Variants in LIPA observed in about 807,000 individuals in gnomAD.
LIPA encodes lipase A, lysosomal acid type.
Under a neutral mutation model 40.6 loss-of-function variants are expected in LIPA, and 26 were observed. That is an observed-to-expected ratio of 0.64 (90% CI 0.47 to 0.89). The LOEUF (loss-of-function observed/expected upper bound fraction) is 0.89. LIPA is among the 40% of genes least tolerant of loss of function. LIPA has a pLI of 0.00. For synonymous variants in LIPA, 188 were observed against 168.4 expected (o/e 1.12, Z -0.90); for missense variants, 455 against 479.6 (o/e 0.95, Z 0.48).
intron 2 of LIPA, chr10:89,383,901 G>A (rs866753126): frequency 6.2e-7 from 1 of 1,614,208 alleles, no homozygotes; most frequent in Non-Finnish European, 8.5e-7. Context: ...CAGCATCAGG[G>A]AGGAATAAGG....
intron 3 of LIPA, among the ~76,000 whole-genome samples, chr10:89,235,806 T>C (rs940058933): frequency 5.9e-5 from 9 of 152,266 alleles, no homozygotes; most frequent in African/African-American, 1.9e-4. Context: ...TAGGATTTGC[T>C]CAACTCTCTC....
chr10:89,394,126 G>A (rs1269845371), intron 2 of LIPA, among the ~76,000 whole-genome samples: 1 of 151,682 alleles, frequency 6.6e-6, no homozygotes, highest in African/African-American at 2.4e-5. Context: ...AACCTAGACG[G>A]TATAGCCTAC....
At chr10:89,402,585 A>G in intron 2 of LIPA, 1 of 1,614,224 alleles carries the variant, frequency 6.2e-7, no homozygotes. Flanking sequence ...CTTTGCCTGG[A>G]TGTATTACCA....
chr10:89,285,111 G>A (rs1047207306), intron 1 of LIPA: 5 of 157,226 alleles, frequency 3.2e-5, no homozygotes, highest in African/African-American at 4.8e-5. Flanking sequence ...ACATGGACGC[G>A]AGTGACATTT....
At chr10:89,268,087 C>G (rs1843247044) in intron 1 of LIPA, among the ~76,000 whole-genome samples, 3 of 152,196 alleles carry the variant, frequency 2.0e-5, no homozygotes, top group Admixed American at 6.5e-5. Context: ...TGCCCCAATA[C>G]TCAATACTAC....
intron 1 of LIPA, among the ~76,000 whole-genome samples, chr10:89,290,820 C>T (rs994931358): frequency 6.6e-6 from 1 of 152,214 alleles, no homozygotes; most frequent in Admixed American, 6.5e-5. Flanking sequence ...ACTCAGCCTG[C>T]CTGCACCCAG....
At chr10:89,399,462 T>G (rs1404377068) in intron 2 of LIPA, among the ~76,000 whole-genome samples, 1 of 152,224 alleles carries the variant, frequency 6.6e-6, no homozygotes, top group Non-Finnish European at 1.5e-5. Context: ...CCAAATCCAA[T>G]GTTACAAAGC....
chr10:89,401,374 G>A (rs1362441128), intron 2 of LIPA, among the ~76,000 whole-genome samples: 2 of 152,054 alleles, frequency 1.3e-5, no homozygotes, highest in Non-Finnish European at 2.9e-5. Flanking sequence ...ACCTGCCTCG[G>A]CCTCCCAAAG....
intron 1 of LIPA, among the ~76,000 whole-genome samples, chr10:89,259,955 A>T (rs1843198657): frequency 6.6e-6 from 1 of 152,210 alleles, no homozygotes; most frequent in Non-Finnish European, 1.5e-5. Context: ...TATATTTGTT[A>T]TCTTCACTGT....
upstream of LIPA, among the ~76,000 whole-genome samples, chr10:89,346,892 G>A (rs887947590): frequency 5.3e-5 from 8 of 152,214 alleles, no homozygotes; most frequent in East Asian, 1.9e-4. Context: ...AGGAAATTGC[G>A]TAGGTTGGAG....
intron 3 of LIPA, among the ~76,000 whole-genome samples, chr10:89,243,111 G>T (rs1393478884): frequency 6.6e-6 from 1 of 152,286 alleles, no homozygotes; most frequent in East Asian, 1.9e-4. Context: ...AAGAGGACGC[G>T]TTTCACTTTG....
chr10:89,215,846 G>T, intron 9 of LIPA, 92 bp downstream of exon 9: 1 of 836,808 alleles, frequency 1.2e-6, no homozygotes, highest in Non-Finnish European at 2.1e-6. Context: ...ATTTCCCACA[G>T]CACCTGAGCC....
intron 1 of LIPA, among the ~76,000 whole-genome samples, chr10:89,312,265 A>G (rs1843520681): frequency 6.6e-6 from 1 of 151,900 alleles, no homozygotes; most frequent in Non-Finnish European, 1.5e-5. Flanking sequence ...GCATGGTGAA[A>G]CCCTATCTCT....
chr10:89,214,819 G>A lies in LIPA; in HGVS notation c.*9C>T, dbSNP rs1472873487. The A allele has an allele frequency of 4.0e-6, 6 of 1,488,962 alleles. No homozygotes were observed. The highest frequency in any genetic ancestry group is 5.6e-6 in the Non-Finnish European group (6 of 1,066,600). 92.2% of individuals were successfully genotyped at this position (1,488,962 alleles called of 1,614,324 possible). ...ATTGACTTGGTGGTACACAGCTCAA[G>A]TCCAGCTTTCACTGATATTTCCTCA... On this transcript the variant is annotated 3_prime_UTR_variant, in exon 10 of 10. Coordinates refer to ENST00000336233, the MANE Select transcript of LIPA (RefSeq NM_000235.4).
intron 1 of LIPA, among the ~76,000 whole-genome samples, chr10:89,413,154 T>C (rs1841489788): frequency 6.6e-6 from 1 of 152,246 alleles, no homozygotes; most frequent in African/African-American, 2.4e-5. Flanking sequence ...TCACTGGAAA[T>C]ACTTGCTCTG....
chr10:89,281,475 CT>C (rs1215629181), intron 1 of LIPA, among the ~76,000 whole-genome samples: 1 of 152,180 alleles, frequency 6.6e-6, no homozygotes, highest in Non-Finnish European at 1.5e-5. Context: ...AAAAGTCTCT[CT>C]TGACATTTTA....
chr10:89,246,992 A>C (rs1015481844), intron 2 of LIPA, among the ~76,000 whole-genome samples: 1 of 152,186 alleles, frequency 6.6e-6, no homozygotes, highest in African/African-American at 2.4e-5. Context: ...AATTTATCTT[A>C]TTAAGAAGTA....
chr10:89,356,818 A>G (rs927868555), intron 2 of LIPA, among the ~76,000 whole-genome samples: 24 of 152,336 alleles, frequency 1.6e-4, no homozygotes, highest in African/African-American at 5.3e-4. Flanking sequence ...ACTTCCACAA[A>G]ACCAGTCCCT....
chr10:89,302,068 A>T lies in LIPA; in HGVS notation c.-2+40543T>A, dbSNP rs546213620. ...GGTGGCAGAAGAGGAAGATTTCTGAAGAGTGCAGCTGCCTGAACCGAGCCC... is the reference window on the plus strand; with the variant it reads ...GGTGGCAGAAGAGGAAGATTTCTGATGAGTGCAGCTGCCTGAACCGAGCCC... On this transcript the variant is annotated intron_variant, in intron 1 of 5. Transcript: ENST00000282673. 3 of 1,609,288 alleles carry T rather than the reference A, an allele frequency of 1.9e-6. No individual in the cohort carries two copies. In the African/African-American group the frequency reaches 4.0e-5, roughly 21 times the overall value.
Sources: allele counts gnomAD v4.1 joint callset (sites outside exome capture counted in the v4.1 genomes callset), GRCh38; gene constraint gnomAD v4.1.1; transcripts MANE v1.5; gene names NCBI Gene and HGNC (gene_info 2026-07-23, HGNC 2026-07-21).